Variants in BBX observed in about 807,000 individuals in gnomAD.
BBX encodes HMG box transcription factor BBX.
In BBX, 30 loss-of-function variants were observed where a neutral mutation model predicts 100.2. The observed-to-expected ratio is 0.30, with a 90% CI of 0.22 to 0.41. The LOEUF (loss-of-function observed/expected upper bound fraction) is 0.41, where lower values mean the gene tolerates loss of function less well. BBX is among the 10% of genes least tolerant of loss of function. BBX has a pLI of 1.00. For synonymous variants in BBX, 376 were observed against 388.1 expected (o/e 0.97, Z 0.37); for missense variants, 1,023 against 1,129.8 (o/e 0.91, Z 1.35).
intron 2 of BBX, among the ~76,000 whole-genome samples, chr3:107,607,990 T>C (rs1268622236): frequency 3.9e-5 from 6 of 152,190 alleles, no homozygotes; most frequent in Non-Finnish European, 8.8e-5. Context: ...TTTGCAAATA[T>C]TTTCTCTCAT....
Position 107,789,888 on chromosome 3 carries a change from C to T in BBX, c.2293+12C>T. ...TGTTCCGGAAAAAGGTATTGGTGCC[C>T]TCCATCCTCCATGAAGGGTTCTTGG... On this transcript the variant is annotated intron_variant, in intron 14 of 17. Coordinates refer to ENST00000325805, the MANE Select transcript of BBX (RefSeq NM_001142568.3). The T allele has an allele frequency of 1.3e-6, 2 of 1,527,262 alleles. No individual in the cohort carries two copies. Among genetic ancestry groups the T allele is most frequent in the South Asian group, 2.4e-5 (2 of 83,194 alleles). The allele number at this position is 1,527,262 out of a possible 1,614,324, so 94.6% of individuals were successfully genotyped here.
At chr3:107,561,360 T>C (rs191564255) in intron 2 of BBX, among the ~76,000 whole-genome samples, 3 of 152,258 alleles carry the variant, frequency 2.0e-5, no homozygotes, top group Admixed American at 2.0e-4. Context: ...AGTTGAAAAA[T>C]ATATAGCAAT....
rs1470213025 is a variant in BBX, at chr3:107,791,269, C to T, written c.2323C>T (p.Leu775Phe). 2.5e-6 allele frequency: 4 copies of T among 1,613,380 alleles called. No individual in the cohort carries two copies. In the Admixed American group the frequency reaches 5.0e-5, roughly 20 times the overall value. Reference sequence around the variant, plus strand: ...TGGGGATAAATGGTCAAACAAGCAACTCTTCTTGGATGCCATTCACCCTAC... The same window carrying T: ...TGGGGATAAATGGTCAAACAAGCAATTCTTCTTGGATGCCATTCACCCTAC... Reference protein sequence around the residue: ...GSGDKWSNKQLFLDAIHPTEA... With the variant: ...GSGDKWSNKQFFLDAIHPTEA... Residue 775 changes from leucine to phenylalanine, a missense_variant, in exon 15 of 18, where the codon CTC becomes TTC. By Grantham distance (22) the Leu-to-Phe change is conservative (BLOSUM62 0). This residue lies in a region of BBX where 215 missense variants were observed against 211.3 expected (regional missense o/e 1.02). Coordinates refer to ENST00000325805, the MANE Select transcript of BBX (RefSeq NM_001142568.3).
At position 107,619,734 on chromosome 3, in the gene BBX, G is replaced by C. The variant is rs143077169; in HGVS notation, c.-83-26102G>C. On this transcript the variant is annotated intron_variant, in intron 2 of 17. Transcript: ENST00000325805. ...CTGGGTATAGGATCCTGGATCGACAGTCCTTTTCTTTTAGCACTGCAGAAT... is the reference window on the plus strand; with the variant it reads ...CTGGGTATAGGATCCTGGATCGACACTCCTTTTCTTTTAGCACTGCAGAAT... Among the ~76,000 whole-genome samples, 391 of 152,228 alleles carry C rather than the reference G, an allele frequency of 2.6e-3. 3 individuals carry two copies. Among genetic ancestry groups the C allele is most frequent in the African/African-American group, 8.9e-3 (371 of 41,558 alleles).
chr3:107,535,172 G>T (rs1483705106), intron 2 of BBX, among the ~76,000 whole-genome samples: 2 of 152,134 alleles, frequency 1.3e-5, no homozygotes, highest in Non-Finnish European at 2.9e-5. Context: ...CTATTTACCT[G>T]CCATTAGGGC....
intron 10 of BBX, among the ~76,000 whole-genome samples, chr3:107,770,427 C>T (rs542155053): frequency 1.3e-5 from 2 of 152,218 alleles, no homozygotes; most frequent in East Asian, 1.9e-4. Context: ...TCTCTCCCCC[C>T]ACATGGGATA....
chr3:107,727,095 C>A (rs145527736), intron 5 of BBX, among the ~76,000 whole-genome samples: 1 of 151,666 alleles, frequency 6.6e-6, no homozygotes, highest in Non-Finnish European at 1.5e-5. Context: ...TTAAACTACC[C>A]CCCCCAAAAA....
intron 7 of BBX, among the ~76,000 whole-genome samples, chr3:107,735,070 G>A (rs73850143): frequency 0.017 from 2,659 of 152,154 alleles, 75 homozygotes; most frequent in African/African-American, 0.061. Context: ...AGAGATATTT[G>A]GGTCATTATT....
intron 2 of BBX, among the ~76,000 whole-genome samples, chr3:107,573,012 A>G (rs569867825): frequency 4.6e-5 from 7 of 152,372 alleles, no homozygotes; most frequent in African/African-American, 1.4e-4. Context: ...TGAAAATATT[A>G]TATTCAATCT....
At chr3:107,754,063 T>C (rs555154374) in intron 9 of BBX, among the ~76,000 whole-genome samples, 1 of 152,286 alleles carries the variant, frequency 6.6e-6, no homozygotes, top group African/African-American at 2.4e-5. Context: ...GGTATTACTG[T>C]TCATATTTTG....
intron 2 of BBX, among the ~76,000 whole-genome samples, chr3:107,607,671 C>T (rs1281784304): frequency 6.6e-6 from 1 of 152,166 alleles, no homozygotes; most frequent in Non-Finnish European, 1.5e-5. Flanking sequence ...ATTTACATTC[C>T]CACCTGCAGC....
chr3:107,693,339 G>A (rs1367356630), intron 3 of BBX, among the ~76,000 whole-genome samples: 7 of 151,780 alleles, frequency 4.6e-5, no homozygotes, highest in Non-Finnish European at 7.3e-5. Context: ...TAGGTCTAAC[G>A]TTTAAGTCTT....
At chr3:107,722,226 T>C (rs2062594273) in intron 5 of BBX, among the ~76,000 whole-genome samples, 1 of 151,992 alleles carries the variant, frequency 6.6e-6, no homozygotes, top group African/African-American at 2.4e-5. Context: ...TTATAAAGAC[T>C]ATAAAAACTC....
At chr3:107,667,410 A>T (rs1295878111) in intron 3 of BBX, among the ~76,000 whole-genome samples, 2 of 152,024 alleles carry the variant, frequency 1.3e-5, no homozygotes. Flanking sequence ...TAGTATTCTT[A>T]TTTTAATTTA....
At position 107,561,041 on chromosome 3, in the gene BBX, T is replaced by A. The variant is rs139055585; in HGVS notation, c.-84+34643T>A. Among the ~76,000 whole-genome samples the A allele has an allele frequency of 7.9e-5, 12 of 152,306 alleles. No homozygotes were observed. The East Asian group carries it at 2.3e-3, about 29-fold the overall frequency. ...TGGCCTTTTAACTACTAGGTGCTAG[T>A]ACCACTCTCATAGTCGTGACAATCA... On this transcript the variant is annotated intron_variant, in intron 2 of 17. Transcript: ENST00000325805.
At chr3:107,734,051 A>C (rs909970642) in intron 7 of BBX, among the ~76,000 whole-genome samples, 1 of 152,184 alleles carries the variant, frequency 6.6e-6, no homozygotes, top group African/African-American at 2.4e-5. Flanking sequence ...AGGGCCAAAT[A>C]GCAATGACTC....
At chr3:107,618,319 G>C (rs2055456349) in intron 2 of BBX, among the ~76,000 whole-genome samples, 1 of 151,952 alleles carries the variant, frequency 6.6e-6, no homozygotes, top group East Asian at 1.9e-4. Flanking sequence ...AGGAATATTA[G>C]TGTGTGTCTT....
chr3:107,787,505 G>T (rs898611944), intron 13 of BBX, among the ~76,000 whole-genome samples: 1 of 152,150 alleles, frequency 6.6e-6, no homozygotes, highest in East Asian at 1.9e-4. Flanking sequence ...ACAGGTATAG[G>T]AGTAGTAGTA....
intron 3 of BBX, among the ~76,000 whole-genome samples, chr3:107,693,937 G>C (rs1268469575): frequency 1.3e-5 from 2 of 151,052 alleles, no homozygotes; most frequent in African/African-American, 4.9e-5. Flanking sequence ...TGGATTGCTA[G>C]GTATTTTATT....
Sources: allele counts gnomAD v4.1 joint callset (sites outside exome capture counted in the v4.1 genomes callset), GRCh38; gene constraint gnomAD v4.1.1; regional missense constraint gnomAD v4.1.1; transcripts MANE v1.5; gene names NCBI Gene and HGNC (gene_info 2026-07-23, HGNC 2026-07-21).